The following HTR4 variants were observed in gnomAD, a reference collection of about 807,000 sequenced individuals.
The protein encoded by HTR4 is 5-hydroxytryptamine receptor 4.
In HTR4, 16 loss-of-function variants were observed where a neutral mutation model predicts 36.8. The ratio of observed to expected loss-of-function variants is 0.43; its 90% CI spans 0.29 to 0.66. The LOEUF (loss-of-function observed/expected upper bound fraction) is 0.66, where lower values mean the gene tolerates loss of function less well. Ranked by LOEUF, HTR4 falls within the 30% of genes least tolerant of loss-of-function variation. The probability of loss-of-function intolerance (pLI) is 0.13; values close to 1 mark genes in which losing one functional copy is unlikely to be tolerated. For missense variants in HTR4, 438 were observed against 490.9 expected (o/e 0.89, Z 1.02); for synonymous variants, 189 against 185.1 (o/e 1.02, Z -0.17).
chr5:148,558,235 T>C (rs115129341), intron 2 of HTR4, among the ~76,000 whole-genome samples: 5,579 of 152,176 alleles, frequency 0.037, 141 homozygotes, highest in Middle Eastern at 0.058. Flanking sequence ...CTGTCTAAAA[T>C]TGAATTATTT....
intron 1 of HTR4, among the ~76,000 whole-genome samples, chr5:148,647,375 G>C (rs1753902510): frequency 1.3e-5 from 2 of 152,144 alleles, no homozygotes; most frequent in Admixed American, 1.3e-4. Context: ...CGATCTTTGG[G>C]GGAGCAAAGA....
downstream of HTR4, among the ~76,000 whole-genome samples, chr5:148,473,822 G>A (rs1028479105): frequency 6.6e-6 from 1 of 152,240 alleles, no homozygotes; most frequent in South Asian, 2.1e-4. Flanking sequence ...ATGCAAGGTG[G>A]AATCACAATC....
intron 2 of HTR4, among the ~76,000 whole-genome samples, chr5:148,579,623 T>C (rs4336354): frequency 0.24 from 36,643 of 151,996 alleles, 5,376 homozygotes; most frequent in Non-Finnish European, 0.33. Flanking sequence ...TAGGGATCAC[T>C]GCTGATCTCA....
chr5:148,631,398 A>G (rs2127300627), intron 2 of HTR4, among the ~76,000 whole-genome samples: 1 of 152,296 alleles, frequency 6.6e-6, no homozygotes, highest in South Asian at 2.1e-4. Context: ...CAAAACACCT[A>G]AATGCCTTAA....
intron 4 of HTR4, among the ~76,000 whole-genome samples, chr5:148,529,143 G>T (rs1452310704): frequency 6.6e-6 from 1 of 151,922 alleles, no homozygotes; most frequent in African/African-American, 2.4e-5. Flanking sequence ...CAAGAGCCAG[G>T]ACATAAACCT....
intron 2 of HTR4, among the ~76,000 whole-genome samples, chr5:148,607,527 A>ACTTT (rs1752230703): frequency 6.6e-6 from 1 of 152,146 alleles, no homozygotes; most frequent in Non-Finnish European, 1.5e-5. Context: ...TCTTTTCCTA[A>ACTTT]GAAGGCCCCA....
At chr5:148,534,619 C>T (rs954928016) in intron 4 of HTR4, among the ~76,000 whole-genome samples, 7 of 152,130 alleles carry the variant, frequency 4.6e-5, no homozygotes, top group African/African-American at 1.7e-4. Context: ...ACCCTAAGTG[C>T]CTTCTCTACA....
intron 2 of HTR4, among the ~76,000 whole-genome samples, chr5:148,615,688 AAAAT>A (rs1561652009): frequency 2.0e-5 from 3 of 147,136 alleles, no homozygotes; most frequent in African/African-American, 7.8e-5. Flanking sequence ...AATAATTAAA[AAAAT>A]AAAGAAAGAA....
chr5:148,527,342 T>G (rs1229951048), intron 4 of HTR4, among the ~76,000 whole-genome samples: 2 of 152,212 alleles, frequency 1.3e-5, no homozygotes, highest in African/African-American at 4.8e-5. Context: ...TTAGAATGTA[T>G]GGTTATATTG....
At chr5:148,508,836 G>A (rs1429518734) in intron 6 of HTR4, among the ~76,000 whole-genome samples, 1 of 151,880 alleles carries the variant, frequency 6.6e-6, no homozygotes, top group South Asian at 2.1e-4. Flanking sequence ...CATTGTGAGT[G>A]CTTACTGTAT....
intron 6 of HTR4, among the ~76,000 whole-genome samples, chr5:148,505,476 C>T (rs1757149007): frequency 6.6e-6 from 1 of 152,114 alleles, no homozygotes. Context: ...ACAGGAATGC[C>T]CTCTCTCACC....
chr5:148,649,056 G>C (rs35660841), intron 1 of HTR4, among the ~76,000 whole-genome samples: 1 of 152,016 alleles, frequency 6.6e-6, no homozygotes, highest in African/African-American at 2.4e-5. Flanking sequence ...TAATACAAAA[G>C]TTTTCTTAAA....
intron 2 of HTR4, among the ~76,000 whole-genome samples, chr5:148,556,124 A>T (rs1014735269): frequency 6.6e-6 from 1 of 152,150 alleles, no homozygotes; most frequent in African/African-American, 2.4e-5. Flanking sequence ...CCTGGGTTCA[A>T]GTGATTCTCC....
chr5:148,520,784 C>T (rs1757976842), intron 5 of HTR4: 14 of 989,252 alleles, frequency 1.4e-5, no homozygotes, highest in South Asian at 6.0e-5. Context: ...GATTTCATTT[C>T]CTCCAGGAAT....
chr5:148,590,210 C>T (rs562515684), intron 2 of HTR4, among the ~76,000 whole-genome samples: 2 of 151,916 alleles, frequency 1.3e-5, no homozygotes, highest in East Asian at 3.9e-4. Flanking sequence ...TATTCTTCCT[C>T]CCTCAACCCA....
At chr5:148,484,995 A>G (rs1756083144) in intron 6 of HTR4, among the ~76,000 whole-genome samples, 1 of 152,160 alleles carries the variant, frequency 6.6e-6, no homozygotes, top group Non-Finnish European at 1.5e-5. Context: ...AAAAGGAAGG[A>G]AGGAGAGAAG....
intron 5 of HTR4, among the ~76,000 whole-genome samples, chr5:148,517,906 A>G (rs940125731): frequency 6.6e-6 from 1 of 152,016 alleles, no homozygotes; most frequent in Non-Finnish European, 1.5e-5. Flanking sequence ...ATAACCTGAA[A>G]AGTCCTACAC....
intron 4 of HTR4, among the ~76,000 whole-genome samples, chr5:148,543,310 A>C (rs1385299853): frequency 2.0e-5 from 3 of 152,214 alleles, no homozygotes; most frequent in Non-Finnish European, 4.4e-5. Flanking sequence ...AGATGGAGAC[A>C]AAGAGGAGAG....
At chr5:148,622,786 A>T (rs1423644791) in intron 2 of HTR4, among the ~76,000 whole-genome samples, 1 of 151,732 alleles carries the variant, frequency 6.6e-6, no homozygotes, top group Non-Finnish European at 1.5e-5. Context: ...GAAGGACTAT[A>T]TAAATAAATC....
Sources: allele counts gnomAD v4.1 joint callset (sites outside exome capture counted in the v4.1 genomes callset), GRCh38; gene constraint gnomAD v4.1.1; transcripts MANE v1.5; gene names NCBI Gene and HGNC (gene_info 2026-07-23, HGNC 2026-07-21).